The following PSMD1 variants were observed in gnomAD, a reference collection of about 807,000 sequenced individuals.
PSMD1 encodes the protein 26S proteasome non-ATPase regulatory subunit 1.
In PSMD1, 18 loss-of-function variants were observed where a neutral mutation model predicts 119.0. The ratio of observed to expected loss-of-function variants is 0.15; its 90% CI spans 0.10 to 0.22. The LOEUF is 0.22. PSMD1 is among the 10% of genes least tolerant of loss of function. The pLI, the probability that PSMD1 is intolerant of heterozygous loss-of-function variation, is 1.00. For missense variants in PSMD1, 702 were observed against 1,158.5 expected, an observed-to-expected ratio of 0.61 and a Z score of 5.72; for synonymous variants, 374 against 396.6, an observed-to-expected ratio of 0.94 and a Z score of 0.68.
intron 16 of PSMD1, among the ~76,000 whole-genome samples, chr2:231,132,861 A>G (rs188910164): frequency 6.6e-6 from 1 of 152,326 alleles, no homozygotes; most frequent in East Asian, 1.9e-4. Context: ...GCAATTGGAA[A>G]CAGAAGTAAG....
chr2:231,133,939 C>A (rs536189976), intron 16 of PSMD1, among the ~76,000 whole-genome samples: 80 of 152,250 alleles, frequency 5.3e-4, no homozygotes, highest in African/African-American at 1.6e-3. Flanking sequence ...CTGTGGAAGG[C>A]TTGTACAAAT....
At chr2:231,058,411 A>G (rs972859573) in intron 1 of PSMD1, among the ~76,000 whole-genome samples, 1 of 152,204 alleles carries the variant, frequency 6.6e-6, no homozygotes, top group Non-Finnish European at 1.5e-5. Context: ...CTTTGCTTAC[A>G]ATCCACCAGT....
chr2:231,100,663 T>A (rs1485826296), intron 16 of PSMD1, among the ~76,000 whole-genome samples: 1 of 152,190 alleles, frequency 6.6e-6, no homozygotes, highest in African/African-American at 2.4e-5. Flanking sequence ...TATTAATTAT[T>A]TGGAAAGAAA....
At chr2:231,108,592 T>G in intron 16 of PSMD1, 1 of 1,613,990 alleles carries the variant, frequency 6.2e-7, no homozygotes, top group Non-Finnish European at 8.5e-7. Context: ...GTAGAATGAT[T>G]GATGAAGACT....
chr2:231,078,669 G>A lies in PSMD1; in HGVS notation c.1082G>A (p.Arg361Gln), dbSNP rs1340083846. 6.2e-7 allele frequency: 1 copy of A among 1,604,896 alleles called. No homozygotes were observed. The highest frequency in any genetic ancestry group is 1.3e-5 in the African/African-American group (1 of 74,308). ...MILKNTKDAVRNSVCHTATVI... is the reference protein window; with the variant it reads ...MILKNTKDAVQNSVCHTATVI... ...TATTTGTTGTTGCAGGATGCAGTAC[G>A]GAATTCTGTATGTCATACTGCAACC... The change falls in exon 10 of 25, where the codon CGG (arginine) becomes CAG (glutamine). Residue 361 changes from arginine to glutamine, a missense_variant. Arg to Gln is a conservative substitution (Grantham distance 43). Around this residue, in one of 9 missense-constraint regions of PSMD1, gnomAD observed 272 missense variants for 511.6 expected, o/e 0.53. Coordinates refer to ENST00000308696, the MANE Select transcript of PSMD1 (RefSeq NM_002807.4).
chr2:231,160,225 C>T lies in PSMD1; in HGVS notation c.2219-1115C>T, dbSNP rs754543359. Among the ~76,000 whole-genome samples the T allele has an allele frequency of 3.3e-5, 5 of 152,144 alleles. No individual in the cohort carries two copies. In the South Asian group the frequency reaches 6.2e-4, roughly 19 times the overall value. On this transcript the variant is annotated intron_variant, in intron 19 of 24. Transcript: ENST00000308696. ...GTTTTCTTTTGTAAGTGGTAGTGCT[C>T]TCGTTCAAGTGTTCAAATTCAACCC...
At chr2:231,071,588 G>A (rs981571575) in intron 6 of PSMD1, among the ~76,000 whole-genome samples, 1 of 151,910 alleles carries the variant, frequency 6.6e-6, no homozygotes, top group Non-Finnish European at 1.5e-5. Context: ...GTTATTTCGT[G>A]TTCTTAATTT....
At chr2:231,094,923 G>A (rs529016238) in intron 16 of PSMD1, among the ~76,000 whole-genome samples, 1 of 152,328 alleles carries the variant, frequency 6.6e-6, no homozygotes, top group East Asian at 1.9e-4. Flanking sequence ...TGATTGCATT[G>A]TCTGCAGCTT....
intron 16 of PSMD1, among the ~76,000 whole-genome samples, chr2:231,096,469 C>T (rs1289432704): frequency 6.6e-6 from 1 of 152,142 alleles, no homozygotes; most frequent in African/African-American, 2.4e-5. Context: ...TTACTGGGAC[C>T]CATTGCCCTT....
At chr2:231,061,451 G>A (rs989621646) in intron 2 of PSMD1, 141 bp downstream of exon 2, 9 of 578,448 alleles carry the variant, frequency 1.6e-5, no homozygotes, top group Non-Finnish European at 2.5e-5. Flanking sequence ...AGCCAGAGAG[G>A]ACAGTATTTT....
At position 231,096,455 on chromosome 2, in the gene PSMD1, G is replaced by C. The variant is rs114451782; in HGVS notation, c.1883+9274G>C. Among the ~76,000 whole-genome samples the C allele has an allele frequency of 3.4e-3, 513 of 152,276 alleles. 4 individuals are homozygous for C. Among genetic ancestry groups the C allele is most frequent in the African/African-American group, 0.012 (493 of 41,562 alleles). On this transcript the variant is annotated intron_variant, in intron 16 of 24. Coordinates refer to ENST00000308696, the MANE Select transcript of PSMD1 (RefSeq NM_002807.4). ...CCTGACTAAGGCCCATAACATTAGA[G>C]ATGTTACTGGGACCCATTGCCCTTC...
In PSMD1 at chr2:231,062,239, CT is replaced by C. The variant is rs1384136503; in HGVS notation, c.61-5del. The C allele has an allele frequency of 1.2e-6, 2 of 1,605,600 alleles. No individual in the cohort carries two copies. Among genetic ancestry groups the C allele is most frequent in the East Asian group, 4.5e-5 (2 of 44,808 alleles). ...TATCTCAAAATAGGATTTTGGTTAT[CT>C]TTTACAGGAATTTGCACTACACAAA... is the stretch of plus-strand genomic sequence containing the variant. On this transcript the variant is annotated splice_region_variant and splice_polypyrimidine_tract_variant and intron_variant, in intron 2 of 24. Transcript: ENST00000308696.
chr2:231,057,660 C>T (rs1056778597), intron 1 of PSMD1, among the ~76,000 whole-genome samples: 5 of 152,236 alleles, frequency 3.3e-5, no homozygotes, highest in African/African-American at 1.2e-4. Flanking sequence ...CCTACTTATA[C>T]CCTTTCGAGG....
intron 16 of PSMD1, among the ~76,000 whole-genome samples, chr2:231,121,868 A>G (rs577035477): frequency 2.0e-4 from 31 of 152,306 alleles, no homozygotes; most frequent in African/African-American, 6.7e-4. Context: ...AAGCATTTTG[A>G]CATTTTCTGT....
At chr2:231,145,874 CAA>C (rs1696239483) in intron 17 of PSMD1, among the ~76,000 whole-genome samples, 1 of 97,394 alleles carries the variant, frequency 1.0e-5, no homozygotes, top group African/African-American at 4.1e-5. Context: ...GTCTGGGTGA[CAA>C]GAGTTGAAGC....
At chr2:231,134,901 G>A (rs1251949604) in intron 16 of PSMD1, among the ~76,000 whole-genome samples, 1 of 152,152 alleles carries the variant, frequency 6.6e-6, no homozygotes, top group Non-Finnish European at 1.5e-5. Context: ...CTTGAACTTA[G>A]TAGAAAATAC....
At chr2:231,075,602 CAG>C (rs1559220449) in intron 8 of PSMD1, 31 bp downstream of exon 8, 2 of 1,593,208 alleles carry the variant, frequency 1.3e-6, no homozygotes. Context: ...TCCTTTGAGA[CAG>C]GGTCCTGATC....
In PSMD1 at chr2:231,081,897, C is replaced by G. The variant is rs146511702; in HGVS notation, c.1414-986C>G. On this transcript the variant is annotated intron_variant, in intron 12 of 24. Coordinates refer to ENST00000308696, the MANE Select transcript of PSMD1 (RefSeq NM_002807.4). The stretch of plus-strand genomic sequence containing the variant: ...TCTGTACTGCCTCCTTTCCCTCAAC[C>G]CATGAACATACTCTCATCTATCCTA... 2.2e-4 allele frequency among the ~76,000 whole-genome samples: 33 copies of G among 152,254 alleles called. No homozygotes were observed. The Middle Eastern group carries it at 0.01, about 47-fold the overall frequency.
intron 16 of PSMD1, among the ~76,000 whole-genome samples, chr2:231,119,172 G>A (rs1695445923): frequency 6.6e-6 from 1 of 152,154 alleles, no homozygotes; most frequent in Admixed American, 6.5e-5. Context: ...ACAAAAAGAA[G>A]TGCCTTTAAT....
Sources: allele counts gnomAD v4.1 joint callset (sites outside exome capture counted in the v4.1 genomes callset), GRCh38; gene constraint gnomAD v4.1.1; regional missense constraint gnomAD v4.1.1; transcripts MANE v1.5; gene names NCBI Gene and HGNC (gene_info 2026-07-23, HGNC 2026-07-21).